Variants in CNBD1 observed in about 807,000 individuals in gnomAD.
CNBD1 encodes cyclic nucleotide binding domain containing 1, also known as cyclic nucleotide-binding domain-containing protein 1.
Under a neutral mutation model 54.4 loss-of-function variants are expected in CNBD1, and 71 were observed. The ratio of observed to expected loss-of-function variants is 1.30; its 90% confidence interval spans 1.08 to 1.59. The LOEUF (loss-of-function observed/expected upper bound fraction) is 1.59, where lower values mean the gene tolerates loss of function less well. Ranked by LOEUF, CNBD1 falls within the 40% of genes most tolerant of loss-of-function variation. The pLI is 0.00. For missense variants in CNBD1, 659 were observed against 518.0 expected, an observed-to-expected ratio of 1.27 and a Z score of -2.64; for synonymous variants, 182 against 170.7, an observed-to-expected ratio of 1.07 and a Z score of -0.51.
chr8:87,184,760 T>G (rs941963395), intron 4 of CNBD1, among the ~76,000 whole-genome samples: 3 of 152,112 alleles, frequency 2.0e-5, no homozygotes, highest in Non-Finnish European at 4.4e-5. Flanking sequence ...CAACACCTGC[T>G]TTCTGAAGAT....
At chr8:87,427,228 C>T (rs1380463814) in intron 2 of CNBD1, among the ~76,000 whole-genome samples, 2 of 152,052 alleles carry the variant, frequency 1.3e-5, no homozygotes, top group African/African-American at 4.8e-5. Flanking sequence ...TTGAAACATA[C>T]ATCTTTTGTA....
chr8:87,339,609 A>C (rs906560004), intron 8 of CNBD1, among the ~76,000 whole-genome samples: 1 of 151,992 alleles, frequency 6.6e-6, no homozygotes, highest in Non-Finnish European at 1.5e-5. Flanking sequence ...GGAACCATAA[A>C]TCTCATTTTG....
chr8:87,309,952 A>C (rs1419735601), intron 8 of CNBD1, among the ~76,000 whole-genome samples: 1 of 152,198 alleles, frequency 6.6e-6, no homozygotes, highest in Non-Finnish European at 1.5e-5. Context: ...AAACTTTGCC[A>C]CCAGTCCCTG....
At chr8:87,078,071 G>A (rs1172781386) in intron 4 of CNBD1, among the ~76,000 whole-genome samples, 1 of 152,116 alleles carries the variant, frequency 6.6e-6, no homozygotes, top group Non-Finnish European at 1.5e-5. Flanking sequence ...CCTTCAATGT[G>A]TACATTTTGG....
At chr8:87,250,781 C>T (rs1161197496) in intron 6 of CNBD1, among the ~76,000 whole-genome samples, 1 of 152,020 alleles carries the variant, frequency 6.6e-6, no homozygotes, top group Admixed American at 6.6e-5. Flanking sequence ...AAAAACTGAA[C>T]TCATGGAGAT....
chr8:86,974,625 C>T (rs1437710543), intron 4 of CNBD1, among the ~76,000 whole-genome samples: 2 of 151,918 alleles, frequency 1.3e-5, no homozygotes, highest in Middle Eastern at 3.2e-3. Context: ...CAGAATGTTA[C>T]ATGTTAAATT....
intron 2 of CNBD1, among the ~76,000 whole-genome samples, chr8:87,423,461 C>A (rs1001578806): frequency 0.013 from 1,911 of 150,514 alleles, 44 homozygotes; most frequent in African/African-American, 0.043. Context: ...TCAGTACCTA[C>A]TTTATTGAGA....
At chr8:86,883,640 G>T (rs969355819) in intron 1 of CNBD1, among the ~76,000 whole-genome samples, 1 of 151,962 alleles carries the variant, frequency 6.6e-6, no homozygotes, top group East Asian at 1.9e-4. Flanking sequence ...CATCACACAG[G>T]GCGTAGTAAG....
At chr8:87,340,362 G>A (rs9642970) in intron 8 of CNBD1, among the ~76,000 whole-genome samples, 85,918 of 151,976 alleles carry the variant, frequency 0.57, 25,849 homozygotes, top group African/African-American at 0.77. Flanking sequence ...CTTTGATTCT[G>A]TGTCTGTATG....
At chr8:87,326,533 T>C (rs1809672924) in intron 8 of CNBD1, among the ~76,000 whole-genome samples, 1 of 118,616 alleles carries the variant, frequency 8.4e-6, no homozygotes, top group Non-Finnish European at 1.9e-5. Context: ...AACCTTCCCT[T>C]CTCGCTTCAT....
chr8:87,012,963 T>C (rs1809256291), intron 4 of CNBD1, among the ~76,000 whole-genome samples: 1 of 152,242 alleles, frequency 6.6e-6, no homozygotes. Context: ...TCATAGGCCA[T>C]GGTCACTCAT....
chr8:87,362,217 T>C (rs1810536816), intron 10 of CNBD1, among the ~76,000 whole-genome samples: 3 of 152,052 alleles, frequency 2.0e-5, no homozygotes, highest in Admixed American at 1.3e-4. Context: ...AGACCATATT[T>C]TGGTTTTGGT....
chr8:87,402,533 A>G (rs1474528925), intron 2 of CNBD1, among the ~76,000 whole-genome samples: 4 of 152,096 alleles, frequency 2.6e-5, no homozygotes, highest in Admixed American at 2.6e-4. Context: ...TGAGATGGAC[A>G]TAAGGACCGA....
intron 4 of CNBD1, among the ~76,000 whole-genome samples, chr8:87,041,751 A>G (rs1234167458): frequency 1.3e-5 from 2 of 152,180 alleles, no homozygotes; most frequent in Non-Finnish European, 2.9e-5. Flanking sequence ...GTGAGCCAAG[A>G]TCATGCCACT....
intron 4 of CNBD1, among the ~76,000 whole-genome samples, chr8:87,180,541 T>C (rs1029325407): frequency 6.6e-6 from 1 of 152,174 alleles, no homozygotes; most frequent in Non-Finnish European, 1.5e-5. Flanking sequence ...GTTGGATGTG[T>C]CAAAAAGTAA....
intron 2 of CNBD1, among the ~76,000 whole-genome samples, chr8:87,403,520 G>A (rs1047292751): frequency 6.6e-6 from 1 of 151,940 alleles, no homozygotes; most frequent in Non-Finnish European, 1.5e-5. Flanking sequence ...GACAGTTTAT[G>A]AAGCAGATAC....
intron 4 of CNBD1, among the ~76,000 whole-genome samples, chr8:87,042,148 A>G (rs1430321364): frequency 6.6e-6 from 1 of 152,202 alleles, no homozygotes; most frequent in Non-Finnish European, 1.5e-5. Context: ...TTGTTTACTA[A>G]GAGGAAGATG....
intron 4 of CNBD1, among the ~76,000 whole-genome samples, chr8:86,977,332 C>A (rs1298230626): frequency 6.6e-6 from 1 of 152,028 alleles, no homozygotes; most frequent in Non-Finnish European, 1.5e-5. Context: ...ACTAATTATT[C>A]ATATGTCATC....
intron 10 of CNBD1, among the ~76,000 whole-genome samples, chr8:87,367,601 A>G (rs1476713112): frequency 2.6e-5 from 4 of 152,158 alleles, no homozygotes; most frequent in East Asian, 3.9e-4. Context: ...CCCACTTTTT[A>G]ATTACCTTGA....
Sources: gnomAD v4.1 joint callset for allele counts (sites outside exome capture counted in the v4.1 genomes callset) on GRCh38, gnomAD v4.1.1 for gene constraint, MANE v1.5 for transcripts, NCBI Gene and HGNC (gene_info 2026-07-23, HGNC 2026-07-21) for gene names.